Variants in COL4A2 observed in about 807,000 individuals in gnomAD.
The protein encoded by COL4A2 is collagen type IV alpha 2 chain.
In COL4A2, 99 loss-of-function variants were observed where a neutral mutation model predicts 200.2. The observed-to-expected ratio is 0.49, with a 90% CI of 0.42 to 0.58. The LOEUF (loss-of-function observed/expected upper bound fraction) is 0.58, where lower values mean the gene tolerates loss of function less well. Ranked by LOEUF, COL4A2 falls within the 20% of genes least tolerant of loss-of-function variation. The pLI is 0.00. For synonymous variants in COL4A2, 897 were observed against 900.6 expected (o/e 1.00, Z 0.07); for missense variants, 1,950 against 2,314.1 (o/e 0.84, Z 3.23).
intron 33 of COL4A2, 30 bp downstream of exon 33, chr13:110,485,057 C>G: frequency 6.5e-7 from 1 of 1,544,790 alleles, no homozygotes; most frequent in Non-Finnish European, 8.8e-7. Flanking sequence ...GCCAGGGGCC[C>G]CTAGTCCCTG....
intron 10 of COL4A2, among the ~76,000 whole-genome samples, chr13:110,432,111 C>T (rs972168085): frequency 2.6e-5 from 4 of 152,148 alleles, no homozygotes; most frequent in Admixed American, 6.5e-5. Context: ...AACAGCTGTC[C>T]GTAGACAGCC....
intron 4 of COL4A2, among the ~76,000 whole-genome samples, chr13:110,412,617 A>C (rs1334890716): frequency 6.6e-6 from 1 of 152,218 alleles, no homozygotes; most frequent in African/African-American, 2.4e-5. Context: ...TACATTGACA[A>C]ACTCACCCCT....
chr13:110,451,147 A>C (rs561836303), intron 20 of COL4A2, among the ~76,000 whole-genome samples: 7 of 152,310 alleles, frequency 4.6e-5, no homozygotes, highest in African/African-American at 1.7e-4. Context: ...TAGGTGACTC[A>C]ACTTGAGTTG....
At chr13:110,448,332 T>C (rs1277333819) in intron 18 of COL4A2, among the ~76,000 whole-genome samples, 3 of 152,238 alleles carry the variant, frequency 2.0e-5, no homozygotes. Context: ...CTCACCGTAC[T>C]ATATTCCTGG....
At chr13:110,347,607 G>A (rs910113438) in intron 3 of COL4A2, among the ~76,000 whole-genome samples, 20 of 152,244 alleles carry the variant, frequency 1.3e-4, no homozygotes, top group African/African-American at 4.8e-4. Context: ...GATGACTAAT[G>A]TCACTGGGAT....
intron 4 of COL4A2, among the ~76,000 whole-genome samples, chr13:110,367,585 G>T (rs960296601): frequency 1.3e-5 from 2 of 152,250 alleles, no homozygotes; most frequent in South Asian, 2.1e-4. Context: ...TATGTCAAGA[G>T]AACCTTACTA....
intron 45 of COL4A2, among the ~76,000 whole-genome samples, chr13:110,505,257 G>A (rs1428200271): frequency 1.3e-5 from 2 of 152,150 alleles, no homozygotes; most frequent in Non-Finnish European, 2.9e-5. Flanking sequence ...GGCTGAGGCA[G>A]GAGAATGGCC....
chr13:110,473,417 A>G, intron 29 of COL4A2: 1 of 427,086 alleles, frequency 2.3e-6, no homozygotes, highest in Non-Finnish European at 4.1e-6. Context: ...CAAGTTGCAT[A>G]TGCCTGGCTG....
chr13:110,432,394 G>C (rs1422249139), intron 11 of COL4A2, 34 bp downstream of exon 11: 1 of 1,589,976 alleles, frequency 6.3e-7, no homozygotes, highest in Non-Finnish European at 8.5e-7. Context: ...GATGAGGGAA[G>C]GGGGTACTTA....
At position 110,493,496 on chromosome 13, in the gene COL4A2, G is replaced by C. The variant is rs4426225; in HGVS notation, c.3634+214G>C. ...GATCCCTAAGAATCGGTTTCTCAAG[G>C]CAGTTGCTGGGTTGAATGGACTCAT... On this transcript the variant is annotated intron_variant, in intron 39 of 47. Transcript: ENST00000360467. 0.68 allele frequency among the ~76,000 whole-genome samples: 102,941 copies of C among 152,018 alleles called. 34,991 individuals carry two copies. The highest frequency in any genetic ancestry group is 0.76 in the East Asian group (3,923 of 5,154).
At chr13:110,327,874 A>AG (rs1875699889) in intron 3 of COL4A2, among the ~76,000 whole-genome samples, 1 of 152,232 alleles carries the variant, frequency 6.6e-6, no homozygotes, top group Non-Finnish European at 1.5e-5. Context: ...ACAGCTTTGC[A>AG]ACTCTTCGGT....
chr13:110,495,714 CT>C (rs1244709588), intron 40 of COL4A2, among the ~76,000 whole-genome samples: 3 of 152,216 alleles, frequency 2.0e-5, no homozygotes, highest in African/African-American at 4.8e-5. Flanking sequence ...GATAAGCTCC[CT>C]GGCCTAGAGA....
chr13:110,310,867 A>G (rs1014699614), intron 3 of COL4A2, among the ~76,000 whole-genome samples: 1 of 152,162 alleles, frequency 6.6e-6, no homozygotes, highest in African/African-American at 2.4e-5. Flanking sequence ...CTAGGTAACT[A>G]TTATTACCCC....
At chr13:110,450,056 C>T (rs1418534949) in intron 19 of COL4A2, among the ~76,000 whole-genome samples, 2 of 152,236 alleles carry the variant, frequency 1.3e-5, no homozygotes, top group East Asian at 3.9e-4. Context: ...GGGAAGAGAA[C>T]GGAGAATCAT....
chr13:110,475,066 ACACT>A (rs748621193), intron 29 of COL4A2, among the ~76,000 whole-genome samples: 5 of 152,252 alleles, frequency 3.3e-5, no homozygotes, highest in Non-Finnish European at 5.9e-5. Flanking sequence ...ACATGATCAC[ACACT>A]CACATACACA....
intron 44 of COL4A2, 31 bp downstream of exon 44, chr13:110,504,024 TCGGGG>T: frequency 6.4e-7 from 1 of 1,559,006 alleles, no homozygotes; most frequent in Non-Finnish European, 8.7e-7. Context: ...CTGGAGCCCC[TCGGGG>T]CTGCCCGGGC....
intron 4 of COL4A2, among the ~76,000 whole-genome samples, chr13:110,365,498 C>A (rs953345105): frequency 8.5e-5 from 13 of 152,158 alleles, no homozygotes; most frequent in Non-Finnish European, 1.5e-5. Flanking sequence ...AAAGTATGAA[C>A]CTCGAGACTT....
At chr13:110,478,366 G>A (rs923956881) in intron 30 of COL4A2, among the ~76,000 whole-genome samples, 10 of 152,184 alleles carry the variant, frequency 6.6e-5, no homozygotes, top group African/African-American at 2.4e-4. Context: ...TGTACCTGTT[G>A]TATATATTAA....
intron 27 of COL4A2, among the ~76,000 whole-genome samples, chr13:110,467,890 C>T (rs557241348): frequency 1.1e-3 from 165 of 152,350 alleles, no homozygotes; most frequent in Non-Finnish European, 9.0e-4. Context: ...CTCTTCCACT[C>T]GGCCTGTGAT....
Sources: gnomAD v4.1 joint callset for allele counts (sites outside exome capture counted in the v4.1 genomes callset) on GRCh38, gnomAD v4.1.1 for gene constraint, MANE v1.5 for transcripts, NCBI Gene and HGNC (gene_info 2026-07-23, HGNC 2026-07-21) for gene names.